Variants in TBCE observed in about 807,000 individuals in gnomAD.
TBCE encodes the protein tubulin folding cofactor E.
Under a neutral mutation model 77.0 loss-of-function variants are expected in TBCE, and 53 were observed. That is an observed-to-expected ratio of 0.69 (90% CI 0.55 to 0.87). The LOEUF (loss-of-function observed/expected upper bound fraction) is 0.87. TBCE is among the 40% of genes least tolerant of loss of function. The probability of loss-of-function intolerance (pLI) is 0.00; values close to 1 mark genes in which losing one functional copy is unlikely to be tolerated. For synonymous variants in TBCE, 235 were observed against 241.3 expected, an observed-to-expected ratio of 0.97 and a Z score of 0.24; for missense variants, 624 against 622.4, an observed-to-expected ratio of 1.00 and a Z score of -0.03.
At chr1:235,425,413 C>G (rs770126899) in intron 5 of TBCE, among the ~76,000 whole-genome samples, 2 of 152,162 alleles carry the variant, frequency 1.3e-5, no homozygotes, top group Non-Finnish European at 2.9e-5. Flanking sequence ...CTCCTGGAGA[C>G]TCCCGGCCCT....
intron 5 of TBCE, among the ~76,000 whole-genome samples, chr1:235,425,151 G>C (rs924323400): frequency 6.6e-6 from 1 of 152,120 alleles, no homozygotes; most frequent in African/African-American, 2.4e-5. Flanking sequence ...ACCTCTGTCT[G>C]GATGTCTCAT....
At chr1:235,431,064 G>T (rs144773697) in intron 7 of TBCE, among the ~76,000 whole-genome samples, 66 of 152,240 alleles carry the variant, frequency 4.3e-4, no homozygotes, top group African/African-American at 1.5e-3. Flanking sequence ...AAACAGTGGC[G>T]CTCCGTTATG....
chr1:235,427,146 GA>G lies in TBCE; in HGVS notation c.470del (p.Lys157ArgfsTer2). On this transcript the variant is annotated frameshift_variant, in exon 6 of 17. Coordinates refer to ENST00000642610, the MANE Select transcript of TBCE (RefSeq NM_003193.5). LOFTEE classifies it high-confidence loss of function. ...TCTTAACATGTGCTTTTAGATATCA[GA>G]AAGGTAGATTTGTCAAAAAACCTGT... Reference protein sequence around the residue: ...GGVAEACPNIRKVDLSKNLLS... With the variant: ...GGVAEACPNIXKVDLSKNLLS... 1 of 1,610,502 alleles carries G rather than the reference GA, an allele frequency of 6.2e-7. No homozygotes were observed. Among genetic ancestry groups the G allele is most frequent in the Non-Finnish European group, 8.5e-7 (1 of 1,176,780 alleles).
intron 6 of TBCE, chr1:235,429,975 C>T (rs1173782435): frequency 3.3e-5 from 5 of 152,408 alleles, no homozygotes; most frequent in Non-Finnish European, 7.3e-5. Context: ...GCCTTGGCCT[C>T]CCAAAGTGCT....
chr1:235,382,660 C>CTGTT (rs1423385406), intron 2 of TBCE, among the ~76,000 whole-genome samples: 1 of 151,274 alleles, frequency 6.6e-6, no homozygotes, highest in African/African-American at 2.4e-5. Context: ...TTTGATGGGG[C>CTGTT]TGTTTGTTTT....
Position 235,380,010 on chromosome 1 carries a change from T to G in TBCE, c.-31-9T>G. On this transcript the variant is annotated splice_polypyrimidine_tract_variant and intron_variant, in intron 1 of 16. Transcript: ENST00000642610. ...TAAGTTCTTATCAGTGTTGTATTTT[T>G]CTTCCTAGATCTCATATTTTGGATT... 6.6e-7 allele frequency: 1 copy of G among 1,520,350 alleles called. No individual in the cohort carries two copies. Among genetic ancestry groups the G allele is most frequent in the Non-Finnish European group, 9.1e-7 (1 of 1,094,844 alleles). The allele number at this position is 1,520,350 out of a possible 1,614,324, so 94.2% of individuals were successfully genotyped here.
intron 8 of TBCE, among the ~76,000 whole-genome samples, chr1:235,435,296 T>C (rs1181307130): frequency 1.3e-5 from 2 of 152,184 alleles, no homozygotes; most frequent in Non-Finnish European, 2.9e-5. Flanking sequence ...AGACGGGGTT[T>C]CACCATGTTG....
chr1:235,395,214 A>G (rs1341766611), intron 2 of TBCE, among the ~76,000 whole-genome samples: 1 of 151,848 alleles, frequency 6.6e-6, no homozygotes, highest in Non-Finnish European at 1.5e-5. Flanking sequence ...TGTTGGATTA[A>G]TTCTTTTAAT....
chr1:235,422,642 C>T (rs1220559262), intron 5 of TBCE, among the ~76,000 whole-genome samples: 2 of 152,154 alleles, frequency 1.3e-5, no homozygotes, highest in Admixed American at 6.6e-5. Context: ...CCAGCCTGGC[C>T]AACGCGGTGA....
intron 14 of TBCE, 129 bp downstream of exon 14, chr1:235,442,011 T>A (rs1681911403): frequency 4.2e-5 from 29 of 691,042 alleles, no homozygotes; most frequent in Non-Finnish European, 4.6e-5. Flanking sequence ...AATGAAAATT[T>A]TTTTTTTTTT....
chr1:235,430,891 T>A, intron 7 of TBCE, 87 bp downstream of exon 7: 2 of 1,059,356 alleles, frequency 1.9e-6, no homozygotes, highest in Non-Finnish European at 2.9e-6. Flanking sequence ...AGTTTAATAG[T>A]ACAACTGTGG....
chr1:235,407,155 G>A (rs376785259), intron 3 of TBCE, among the ~76,000 whole-genome samples: 171 of 143,588 alleles, frequency 1.2e-3, no homozygotes, highest in African/African-American at 4.2e-3. Context: ...TTTTTTGGAC[G>A]CAGGGTCTTG....
intron 1 of TBCE, among the ~76,000 whole-genome samples, chr1:235,369,964 C>T (rs1465510487): frequency 2.6e-5 from 4 of 152,204 alleles, no homozygotes; most frequent in Admixed American, 6.6e-5. Context: ...TCTCCTCAAG[C>T]GCATCCTAGC....
chr1:235,387,459 G>C (rs942510197), intron 2 of TBCE, among the ~76,000 whole-genome samples: 1 of 152,156 alleles, frequency 6.6e-6, no homozygotes, highest in African/African-American at 2.4e-5. Context: ...CACCCAGTTC[G>C]AGCTTCCCGG....
Position 235,448,839 on chromosome 1 carries a change from CAA to C in TBCE, c.*78_*79del. 9.3e-7 allele frequency: 1 copy of C among 1,079,858 alleles called. No homozygotes were observed. The highest frequency in any genetic ancestry group is 1.4e-6 in the Non-Finnish European group (1 of 707,244). The allele number at this position is 1,079,858 out of a possible 1,614,324, so 66.9% of individuals were successfully genotyped here. A position where few individuals can be genotyped will look rare whatever the true frequency, so the allele number is the denominator to read the frequency against. ...ACCGGAAATAAATGATTCACTGGAACAATTCTACTGTCAAAACAAAGGGGGTT... is the reference window on the plus strand; with the variant it reads ...ACCGGAAATAAATGATTCACTGGAACTTCTACTGTCAAAACAAAGGGGGTT... On this transcript the variant is annotated 3_prime_UTR_variant, in exon 17 of 17. Transcript: ENST00000642610.
intron 3 of TBCE, among the ~76,000 whole-genome samples, chr1:235,409,612 A>T (rs981352854): frequency 6.6e-6 from 1 of 151,770 alleles, no homozygotes; most frequent in Non-Finnish European, 1.5e-5. Context: ...CAACTACCTA[A>T]CAACATTCCT....
chr1:235,412,925 T>A (rs1024832625), intron 3 of TBCE, among the ~76,000 whole-genome samples: 40 of 152,254 alleles, frequency 2.6e-4, no homozygotes, highest in African/African-American at 9.1e-4. Flanking sequence ...TGCCTCAGCC[T>A]CCCCAGTAGC....
intron 15 of TBCE, among the ~76,000 whole-genome samples, 156 bp from the exon 16 acceptor site, chr1:235,448,189 GACTT>G (rs989400559): frequency 2.9e-4 from 35 of 119,564 alleles, no homozygotes; most frequent in Non-Finnish European, 4.0e-4. Flanking sequence ...GACAGAGCAA[GACTT>G]ACTTAAGTAA....
In TBCE at chr1:235,448,429, G is replaced by C; in HGVS notation, c.1480G>C (p.Glu494Gln). Residue 494 changes from glutamate to glutamine, a missense_variant, in exon 16 of 17, where the codon GAA (glutamate) becomes CAA (glutamine). Transcript: ENST00000642610. Reference protein sequence around the residue: ...VPVSDLLLSYESPKKPGREIE... With the variant: ...VPVSDLLLSYQSPKKPGREIE... ...TGTGTCAGACCTTCTGTTGTCCTAT[G>C]AAAGTCCCAAAGTAAGTTGCCCAGC... 6.2e-7 allele frequency: 1 copy of C among 1,614,090 alleles called. No individual in the cohort carries two copies. The highest frequency in any genetic ancestry group is 1.1e-5 in the South Asian group (1 of 91,082).
Sources: gnomAD v4.1 joint callset for allele counts (sites outside exome capture counted in the v4.1 genomes callset) on GRCh38, gnomAD v4.1.1 for gene constraint, MANE v1.5 for transcripts, NCBI Gene and HGNC (gene_info 2026-07-23, HGNC 2026-07-21) for gene names.